The following MAP4K3 variants were observed in gnomAD, a reference collection of about 807,000 sequenced individuals.
The protein encoded by MAP4K3 is mitogen-activated protein kinase kinase kinase kinase 3, also known as MAPK/ERK kinase kinase kinase 3.
In MAP4K3, 94 loss-of-function variants were observed where a neutral mutation model predicts 143.5. The observed-to-expected ratio is 0.65, with a 90% CI of 0.55 to 0.78. The LOEUF is 0.78. MAP4K3 is among the 30% of genes least tolerant of loss of function. MAP4K3 has a pLI of 0.00. For missense variants in MAP4K3, 1,077 were observed against 1,068.1 expected, an observed-to-expected ratio of 1.01 and a Z score of -0.12; for synonymous variants, 416 against 347.2, an observed-to-expected ratio of 1.20 and a Z score of -2.20.
At chr2:39,410,899 T>C (rs1667215647) in intron 1 of MAP4K3, among the ~76,000 whole-genome samples, 1 of 152,218 alleles carries the variant, frequency 6.6e-6, no homozygotes, top group Non-Finnish European at 1.5e-5. Context: ...TTTTTGTATG[T>C]CATCTTTTCA....
At chr2:39,405,902 G>A (rs1336771667) in intron 1 of MAP4K3, among the ~76,000 whole-genome samples, 1 of 151,856 alleles carries the variant, frequency 6.6e-6, no homozygotes, top group Non-Finnish European at 1.5e-5. Context: ...AAAGACACCA[G>A]GGGCCAATCC....
chr2:39,299,897 T>A (rs1682439344), intron 15 of MAP4K3, 96 bp from the exon 16 acceptor site: 2 of 449,794 alleles, frequency 4.4e-6, no homozygotes, highest in Admixed American at 8.6e-5. Context: ...AAAAGATAAG[T>A]CCCAGACCCC....
At chr2:39,289,732 A>G (rs1418033147) in intron 19 of MAP4K3, among the ~76,000 whole-genome samples, 1 of 152,234 alleles carries the variant, frequency 6.6e-6, no homozygotes, top group Non-Finnish European at 1.5e-5. Flanking sequence ...GTCAAATAAC[A>G]CTAATCCATT....
intron 1 of MAP4K3, among the ~76,000 whole-genome samples, chr2:39,435,657 C>T (rs991617955): frequency 2.0e-5 from 3 of 152,130 alleles, no homozygotes; most frequent in Non-Finnish European, 4.4e-5. Flanking sequence ...TAATACTGTC[C>T]TTGTCCAAAA....
chr2:39,403,061 A>G (rs1330084956), intron 1 of MAP4K3, among the ~76,000 whole-genome samples: 3 of 152,210 alleles, frequency 2.0e-5, no homozygotes, highest in Non-Finnish European at 4.4e-5. Flanking sequence ...TAAAATGCCC[A>G]ATAATAAAGC....
intron 2 of MAP4K3, among the ~76,000 whole-genome samples, chr2:39,361,995 G>A (rs1665784747): frequency 6.6e-6 from 1 of 151,900 alleles, no homozygotes; most frequent in African/African-American, 2.4e-5. Context: ...CTGAATAGAA[G>A]AACTTACTAT....
chr2:39,363,431 G>A (rs1484569404), intron 2 of MAP4K3, among the ~76,000 whole-genome samples: 2 of 152,182 alleles, frequency 1.3e-5, no homozygotes, highest in Non-Finnish European at 2.9e-5. Context: ...ACTTTTGGAG[G>A]CCGAGGTGGG....
At chr2:39,369,205 G>GGTTTTTTTTTTTTT in intron 2 of MAP4K3, among the ~76,000 whole-genome samples, 1 of 125,368 alleles carries the variant, frequency 8.0e-6, no homozygotes, top group African/African-American at 3.2e-5. Flanking sequence ...TTTTTTTTTT[G>GGTTTTTTTTTTTTT]TTTTTTTTGA....
Position 39,278,393 on chromosome 2 carries a change from A to G in MAP4K3, c.1794+14T>C, listed in dbSNP as rs372951575. 48 of 1,496,756 alleles carry G rather than the reference A, an allele frequency of 3.2e-5. No individual in the cohort carries two copies. The East Asian group carries it at 5.5e-4, about 17-fold the overall frequency. 92.7% of individuals were successfully genotyped at this position (1,496,756 alleles called of 1,614,324 possible). A position where few individuals can be genotyped will look rare whatever the true frequency, so the allele number is the denominator to read the frequency against. On this transcript the variant is annotated intron_variant, in intron 24 of 33. Coordinates refer to ENST00000263881, the MANE Select transcript of MAP4K3 (RefSeq NM_003618.4). ...TAAAAATTAAAAAAAAAAAGAATAT[A>G]CAAAATAACATACCTGTTCCATTGA...
chr2:39,350,568 T>G (rs1409563605), intron 3 of MAP4K3, among the ~76,000 whole-genome samples: 1 of 152,198 alleles, frequency 6.6e-6, no homozygotes, highest in African/African-American at 2.4e-5. Flanking sequence ...TATTTCGAGT[T>G]AAGATCCAGT....
At chr2:39,406,015 C>A (rs1466199043) in intron 1 of MAP4K3, among the ~76,000 whole-genome samples, 1 of 151,876 alleles carries the variant, frequency 6.6e-6, no homozygotes, top group East Asian at 1.9e-4. Flanking sequence ...AATTCAGAAT[C>A]CTATCAGATA....
chr2:39,252,726 T>C lies in MAP4K3; in HGVS notation c.2542-841A>G, dbSNP rs1573054368. Among the ~76,000 whole-genome samples, 4 of 152,364 alleles carry C rather than the reference T, an allele frequency of 2.6e-5. No individual in the cohort carries two copies. In the South Asian group the frequency reaches 8.3e-4, roughly 32 times the overall value. ...AAAATGGATTTGAAATTAAATTTAT[T>C]CCATCAATACCCCTACAATTAGATT... On this transcript the variant is annotated intron_variant, in intron 32 of 33. Transcript: ENST00000263881.
intron 5 of MAP4K3, 89 bp from the exon 6 acceptor site, chr2:39,337,056 G>C (rs1664989514): frequency 1.6e-6 from 1 of 623,894 alleles, no homozygotes; most frequent in Non-Finnish European, 2.8e-6. Flanking sequence ...AGTATTCTGT[G>C]TATTTTATTT....
intron 15 of MAP4K3, 59 bp downstream of exon 15, chr2:39,307,884 A>G (rs1171316098): frequency 2.3e-6 from 3 of 1,332,362 alleles, no homozygotes; most frequent in Non-Finnish European, 2.0e-6. Flanking sequence ...TTTGATCTTA[A>G]AAGAAAACAA....
intron 1 of MAP4K3, among the ~76,000 whole-genome samples, chr2:39,407,297 G>A (rs1347678898): frequency 6.7e-6 from 1 of 150,226 alleles, no homozygotes; most frequent in Admixed American, 6.6e-5. Flanking sequence ...ATCTTCCTAA[G>A]AGCAGGAACA....
At chr2:39,324,943 T>C (rs1683436955) in intron 12 of MAP4K3, among the ~76,000 whole-genome samples, 1 of 152,240 alleles carries the variant, frequency 6.6e-6, no homozygotes, top group Non-Finnish European at 1.5e-5. Flanking sequence ...AAGCCTATAC[T>C]TCCTACTAAC....
chr2:39,308,036 A>C, intron 14 of MAP4K3, 31 bp from the exon 15 acceptor site: 1 of 1,524,542 alleles, frequency 6.6e-7, no homozygotes, highest in Non-Finnish European at 8.9e-7. Context: ...AACCCAAGTT[A>C]TTTACGCTTA....
chr2:39,317,843 CT>C (rs1393145110), intron 12 of MAP4K3, among the ~76,000 whole-genome samples: 1 of 152,066 alleles, frequency 6.6e-6, no homozygotes, highest in East Asian at 1.9e-4. Context: ...GGAAAGCAGT[CT>C]GGGGATTTCT....
chr2:39,404,990 G>A (rs1326964047), intron 1 of MAP4K3, among the ~76,000 whole-genome samples: 1 of 152,208 alleles, frequency 6.6e-6, no homozygotes, highest in African/African-American at 2.4e-5. Flanking sequence ...GGGGTCTAGA[G>A]GAACTCCTCA....
Sources: allele counts gnomAD v4.1 joint callset (sites outside exome capture counted in the v4.1 genomes callset), GRCh38; gene constraint gnomAD v4.1.1; transcripts MANE v1.5; gene names NCBI Gene and HGNC (gene_info 2026-07-23, HGNC 2026-07-21).